Variants in NCKAP5 observed in about 807,000 individuals in gnomAD.
NCKAP5 encodes the protein NCK associated protein 5, also known as nck-associated protein 5.
A neutral mutation model predicts 167.0 loss-of-function variants in NCKAP5; 92 were observed. That is an observed-to-expected ratio of 0.55 (90% confidence interval 0.47 to 0.66). The LOEUF (loss-of-function observed/expected upper bound fraction) is 0.66. Ranked by LOEUF, NCKAP5 falls within the 30% of genes least tolerant of loss-of-function variation. The pLI is 0.00. For missense variants in NCKAP5, 2,378 were observed against 2,315.0 expected, an observed-to-expected ratio of 1.03 and a Z score of -0.56; for synonymous variants, 891 against 877.4, an observed-to-expected ratio of 1.02 and a Z score of -0.27.
At chr2:133,179,063 G>C (rs2084616044) in intron 5 of NCKAP5, among the ~76,000 whole-genome samples, 1 of 152,054 alleles carries the variant, frequency 6.6e-6, no homozygotes, top group Admixed American at 6.5e-5. Context: ...AGCTACTCAG[G>C]AGGCTGAGGT....
the NCKAP5 span, among the ~76,000 whole-genome samples, chr2:133,652,606 T>C: frequency 3.3e-5 from 5 of 152,232 alleles, no homozygotes; most frequent in African/African-American, 1.2e-4. Flanking sequence ...TCATTACACA[T>C]TTGCTTTATA....
intron 4 of NCKAP5, among the ~76,000 whole-genome samples, chr2:133,292,614 T>C (rs1400871175): frequency 6.6e-6 from 1 of 152,218 alleles, no homozygotes; most frequent in East Asian, 1.9e-4. Flanking sequence ...TAAATAGTGG[T>C]AAATTTCTCT....
At chr2:133,308,772 A>C (rs1037483900) in intron 3 of NCKAP5, among the ~76,000 whole-genome samples, 18 of 127,680 alleles carry the variant, frequency 1.4e-4, no homozygotes, top group African/African-American at 4.5e-4. Context: ...GCAGTGGCGC[A>C]ATCTCGGCTC....
chr2:132,772,857 A>G (rs575019774), intron 16 of NCKAP5, among the ~76,000 whole-genome samples: 1 of 152,358 alleles, frequency 6.6e-6, no homozygotes, highest in African/African-American at 2.4e-5. Context: ...CTAGAAAATC[A>G]GCCACAAAGT....
At chr2:132,780,351 C>T (rs1012054701) in intron 15 of NCKAP5, among the ~76,000 whole-genome samples, 25 of 152,100 alleles carry the variant, frequency 1.6e-4, no homozygotes, top group African/African-American at 3.6e-4. Flanking sequence ...GGGGTTTCAC[C>T]GTGTTAGCCA....
chr2:133,343,589 C>A (rs1683746069), intron 3 of NCKAP5, among the ~76,000 whole-genome samples: 1 of 152,068 alleles, frequency 6.6e-6, no homozygotes, highest in South Asian at 2.1e-4. Flanking sequence ...GAATTTCATC[C>A]ATCCATGCAT....
chr2:133,671,501 A>G, the NCKAP5 span, among the ~76,000 whole-genome samples: 11 of 152,166 alleles, frequency 7.2e-5, no homozygotes, highest in Admixed American at 4.6e-4. Context: ...ATGGGTTATC[A>G]TGAAAGTAGG....
chr2:133,648,342 A>G, the NCKAP5 span, among the ~76,000 whole-genome samples: 3 of 152,198 alleles, frequency 2.0e-5, no homozygotes, highest in Non-Finnish European at 4.4e-5. Context: ...TTCAATAATC[A>G]ACAAAACTTC....
At chr2:133,521,355 CAG>C (rs1684459642) in intron 2 of NCKAP5, among the ~76,000 whole-genome samples, 1 of 152,262 alleles carries the variant, frequency 6.6e-6, no homozygotes, top group Non-Finnish European at 1.5e-5. Flanking sequence ...CAGCAAATAT[CAG>C]TAGACAATCT....
rs578072687 is a variant in NCKAP5, at chr2:133,069,448, G to A, written c.341+60530C>T. On this transcript the variant is annotated intron_variant, in intron 6 of 19. Transcript: ENST00000409261. ...AAACTGTAGGCAATTTACATGTTCCGGACTTTCCCCTCTCATTTTTCATTC... is the reference window on the plus strand; with the variant it reads ...AAACTGTAGGCAATTTACATGTTCCAGACTTTCCCCTCTCATTTTTCATTC... Among the ~76,000 whole-genome samples the A allele has an allele frequency of 2.6e-4, 39 of 152,262 alleles. No individual in the cohort carries two copies. The Middle Eastern group carries it at 0.014, about 53-fold the overall frequency.
intron 19 of NCKAP5, among the ~76,000 whole-genome samples, chr2:132,701,933 T>G (rs1298945912): frequency 1.3e-5 from 2 of 152,162 alleles, no homozygotes; most frequent in African/African-American, 4.8e-5. Flanking sequence ...ATGAAAGTTA[T>G]AGGAATGAAG....
chr2:133,142,193 A>G (rs1303315894), intron 5 of NCKAP5, among the ~76,000 whole-genome samples: 2 of 152,290 alleles, frequency 1.3e-5, no homozygotes, highest in South Asian at 4.1e-4. Flanking sequence ...GCCTCTTTTG[A>G]AAGTATATTT....
At chr2:133,201,055 A>G (rs1032088690) in intron 5 of NCKAP5, among the ~76,000 whole-genome samples, 1 of 152,188 alleles carries the variant, frequency 6.6e-6, no homozygotes, top group Non-Finnish European at 1.5e-5. Context: ...AATAAAATAG[A>G]ATCATTACAA....
At chr2:133,351,409 G>C (rs1188171669) in intron 3 of NCKAP5, among the ~76,000 whole-genome samples, 1 of 152,020 alleles carries the variant, frequency 6.6e-6, no homozygotes, top group East Asian at 1.9e-4. Context: ...TTTTTCATCT[G>C]TAAATAGTAG....
At chr2:133,320,572 C>G (rs898571666) in intron 3 of NCKAP5, among the ~76,000 whole-genome samples, 4 of 152,052 alleles carry the variant, frequency 2.6e-5, no homozygotes, top group Non-Finnish European at 4.4e-5. Context: ...ACTAAAAATA[C>G]AGAAAATTAG....
chr2:132,753,870 C>G (rs889142682), intron 16 of NCKAP5, among the ~76,000 whole-genome samples: 1 of 152,168 alleles, frequency 6.6e-6, no homozygotes, highest in Non-Finnish European at 1.5e-5. Context: ...GTCCAACTGC[C>G]GGCAGCCATA....
chr2:132,785,579 C>T lies in NCKAP5; in HGVS notation c.1232G>A (p.Arg411Gln), dbSNP rs772472479. 7.0e-5 allele frequency: 112 copies of T among 1,595,706 alleles called. No individual in the cohort carries two copies. Among genetic ancestry groups the T allele is most frequent in the South Asian group, 7.0e-4 (61 of 87,650 alleles). Reference protein sequence around the residue: ...ILEGLRKLQKRKVLLEPPSVI... With the variant: ...ILEGLRKLQKQKVLLEPPSVI... Reference sequence around the variant, plus strand: ...TGATGGGGGTTCAAGTAACACTTTTCGCTTCTGTAGCTTTCTTAGCCCTTC... The same window carrying T: ...TGATGGGGGTTCAAGTAACACTTTTTGCTTCTGTAGCTTTCTTAGCCCTTC... Residue 411 changes from arginine (R) to glutamine (Q), a missense_variant, in exon 14 of 20, where the codon CGA (arginine) becomes CAA (glutamine). This residue lies in a region of NCKAP5 where 1,049 missense variants were observed against 1,023.4 expected (regional missense o/e 1.02). Coordinates refer to ENST00000409261, the MANE Select transcript of NCKAP5 (RefSeq NM_207363.3).
At chr2:132,932,849 AAAG>A (rs1255781651) in intron 8 of NCKAP5, among the ~76,000 whole-genome samples, 1 of 152,182 alleles carries the variant, frequency 6.6e-6, no homozygotes, top group Non-Finnish European at 1.5e-5. Context: ...CAAGGGAAGA[AAAG>A]AAGATTAAAG....
At chr2:133,165,670 G>A (rs2149963908) in intron 5 of NCKAP5, among the ~76,000 whole-genome samples, 1 of 152,254 alleles carries the variant, frequency 6.6e-6, no homozygotes, top group East Asian at 1.9e-4. Flanking sequence ...TTTGGGCTGT[G>A]ACACACAGAT....
Sources: allele counts gnomAD v4.1 joint callset (sites outside exome capture counted in the v4.1 genomes callset), GRCh38; gene constraint gnomAD v4.1.1; regional missense constraint gnomAD v4.1.1; transcripts MANE v1.5; gene names NCBI Gene and HGNC (gene_info 2026-07-23, HGNC 2026-07-21).